ARL10: variants seen among roughly 807,000 people sequenced by gnomAD.
ARL10 encodes ADP-ribosylation factor-like protein 10.
A neutral mutation model predicts 26.1 loss-of-function variants in ARL10; 23 were observed. The observed-to-expected ratio is 0.88, with a 90% CI of 0.63 to 1.25. The LOEUF is 1.25. Among genes scored for constraint, ARL10 ranks in the 50% most tolerant of loss-of-function variants. ARL10 has a pLI of 0.00. For synonymous variants in ARL10, 138 were observed against 149.1 expected, an observed-to-expected ratio of 0.93 and a Z score of 0.54; for missense variants, 300 against 323.6, an observed-to-expected ratio of 0.93 and a Z score of 0.56.
chr5:176,389,228 G>T, downstream of ARL10: 3 of 1,385,650 alleles, frequency 2.2e-6, no homozygotes, highest in Non-Finnish European at 3.0e-6. Context: ...CCCTCCCTCC[G>T]CTGTGATCCA....
downstream of ARL10, chr5:176,389,425 C>A: frequency 6.2e-7 from 1 of 1,614,188 alleles, no homozygotes; most frequent in Non-Finnish European, 8.5e-7. Flanking sequence ...GCACCCGGAT[C>A]GCCGCCCAGG....
In ARL10 at chr5:176,397,414, T is replaced by A. The variant is rs562313292; in HGVS notation, c.134-4327T>A. Among the ~76,000 whole-genome samples the A allele has an allele frequency of 8.6e-5, 9 of 104,648 alleles. No individual in the cohort carries two copies. The South Asian group carries it at 2.6e-3, about 30-fold the overall frequency. The allele number at this position is 104,648 out of a possible 152,430, so 68.7% of individuals were successfully genotyped here. A position where few individuals can be genotyped will look rare whatever the true frequency, so the allele number is the denominator to read the frequency against. On this transcript the variant is annotated intron_variant, in intron 1 of 1. Transcript: ENST00000514533. ...CCCTCTCATGTCCCCACAGCCCCTC[T>A]CATGTCCCCACAGCTCCCTCATGTC...
intron 1 of ARL10, chr5:176,396,547 T>C (rs374359977): frequency 1.1e-5 from 18 of 1,610,322 alleles, no homozygotes; most frequent in South Asian, 9.9e-5. Flanking sequence ...AGGGAAAGGT[T>C]GAGGGAAGGG....
intron 1 of ARL10, among the ~76,000 whole-genome samples, chr5:176,387,286 G>A (rs1481530536): frequency 6.6e-6 from 1 of 152,112 alleles, no homozygotes; most frequent in Admixed American, 6.5e-5. Context: ...TGCCATGTTG[G>A]CCAGGCCGGT....
downstream of ARL10, chr5:176,386,878 C>G (rs748516531): frequency 6.2e-7 from 1 of 1,614,098 alleles, no homozygotes; most frequent in Non-Finnish European, 8.5e-7. Context: ...CTCTTTAGGC[C>G]TCTCCTCTAT....
chr5:176,386,688 GAC>G, downstream of ARL10: 1 of 748,682 alleles, frequency 1.3e-6, no homozygotes, highest in Non-Finnish European at 2.4e-6. Context: ...AGCCAGCCAG[GAC>G]ACAGTCCTAA....
chr5:176,374,303 C>T lies in ARL10; in HGVS notation c.*2408C>T, dbSNP rs550706077. ...TTTTGAGAGATTGACCAAAATCCCA[C>T]GCACTGACACTACCTTCTGTCACTA... is the stretch of plus-strand genomic sequence containing the variant. On this transcript the variant is annotated 3_prime_UTR_variant, in exon 4 of 4. Coordinates refer to ENST00000310389, the MANE Select transcript of ARL10 (RefSeq NM_173664.6). The T allele has an allele frequency of 5.3e-5, 8 of 152,328 alleles. No individual in the cohort carries two copies. Among genetic ancestry groups the T allele is most frequent in the African/African-American group, 7.2e-5 (3 of 41,564 alleles). 9.4% of individuals were successfully genotyped at this position (152,328 alleles called of 1,614,324 possible). A position where few individuals can be genotyped will look rare whatever the true frequency, so the allele number is the denominator to read the frequency against.
In ARL10 at chr5:176,374,009, C is replaced by T. The variant is rs1012548958; in HGVS notation, c.*2114C>T. The stretch of plus-strand genomic sequence containing the variant: ...AATGTGTGTAGGCTACATTTATAGC[C>T]AGAGAAACGAAAATAACTTAGGTTG... On this transcript the variant is annotated 3_prime_UTR_variant, in exon 4 of 4. Coordinates refer to ENST00000310389, the MANE Select transcript of ARL10 (RefSeq NM_173664.6). The T allele has an allele frequency of 3.3e-5, 5 of 152,158 alleles. No homozygotes were observed. The highest frequency in any genetic ancestry group is 4.4e-5 in the Non-Finnish European group (3 of 68,034). 9.4% of individuals were successfully genotyped at this position (152,158 alleles called of 1,614,324 possible).
chr5:176,388,838 G>C, downstream of ARL10: 3 of 1,614,076 alleles, frequency 1.9e-6, no homozygotes, highest in Non-Finnish European at 2.5e-6. Flanking sequence ...TCCCGGCCCT[G>C]TGATTCCGGA....
chr5:176,410,471 C>A, the ARL10 span, among the ~76,000 whole-genome samples: 1 of 152,194 alleles, frequency 6.6e-6, no homozygotes, highest in African/African-American at 2.4e-5. Context: ...CAATCCCACC[C>A]CTGACTGTTT....
downstream of ARL10, among the ~76,000 whole-genome samples, chr5:176,404,475 G>A (rs1284614810): frequency 1.3e-5 from 2 of 152,206 alleles, no homozygotes; most frequent in East Asian, 3.9e-4. Context: ...GTAGTTAAGT[G>A]ACTAGCCCAC....
downstream of ARL10, among the ~76,000 whole-genome samples, chr5:176,385,580 G>A (rs375603089): frequency 5.9e-5 from 9 of 152,264 alleles, no homozygotes; most frequent in East Asian, 1.2e-3. Flanking sequence ...ACTTCTCTCC[G>A]GGCCTCAGGT....
chr5:176,403,554 A>G (rs1756948914), downstream of ARL10, among the ~76,000 whole-genome samples: 1 of 149,026 alleles, frequency 6.7e-6, no homozygotes, highest in Non-Finnish European at 1.5e-5. Context: ...TCCCGGGTTC[A>G]AGCAATTCTC....
At chr5:176,398,894 G>A (rs777501297) in intron 1 of ARL10, among the ~76,000 whole-genome samples, 4 of 151,570 alleles carry the variant, frequency 2.6e-5, no homozygotes, top group Non-Finnish European at 4.4e-5. Flanking sequence ...CCAGGCTGGA[G>A]TGCAATGGTG....
downstream of ARL10, chr5:176,388,805 T>G: frequency 6.2e-7 from 1 of 1,609,148 alleles, no homozygotes; most frequent in South Asian, 1.1e-5. Flanking sequence ...TTTCTCCTGC[T>G]GCTGTGGCCC....
downstream of ARL10, among the ~76,000 whole-genome samples, chr5:176,402,789 T>C (rs1023610809): frequency 2.0e-5 from 3 of 152,182 alleles, no homozygotes; most frequent in Admixed American, 1.3e-4. Context: ...TGAACCTTGC[T>C]GGAACACAGT....
At chr5:176,384,136 C>A (rs1392783942), downstream of ARL10, 1 of 1,612,672 alleles carries the variant, frequency 6.2e-7, no homozygotes, top group African/African-American at 1.3e-5. Flanking sequence ...GCCAGCTCCT[C>A]TGGAGCCACA....
downstream of ARL10, chr5:176,389,762 TTCAG>T (rs1334036436): frequency 2.7e-6 from 1 of 367,148 alleles, no homozygotes; most frequent in Non-Finnish European, 4.9e-6. Context: ...TTGTATTTAA[TTCAG>T]TATCATCCCC....
chr5:176,404,669 A>G (rs1456659375), downstream of ARL10, among the ~76,000 whole-genome samples: 2 of 152,160 alleles, frequency 1.3e-5, no homozygotes, highest in Non-Finnish European at 1.5e-5. Context: ...GCCACCTGCC[A>G]CCAGCTGCAA....
Sources: gnomAD v4.1 joint callset for allele counts (sites outside exome capture counted in the v4.1 genomes callset) on GRCh38, gnomAD v4.1.1 for gene constraint, MANE v1.5 for transcripts, NCBI Gene and HGNC (gene_info 2026-07-23, HGNC 2026-07-21) for gene names.